The following HOOK2 variants were observed in gnomAD, a reference collection of about 807,000 sequenced individuals.
HOOK2 encodes the protein hook microtubule tethering protein 2, also known as protein Hook homolog 2.
Under a neutral mutation model 111.9 loss-of-function variants are expected in HOOK2, and 108 were observed. The ratio of observed to expected loss-of-function variants is 0.96; its 90% confidence interval spans 0.83 to 1.13. The LOEUF (loss-of-function observed/expected upper bound fraction) is 1.13, where lower values mean the gene tolerates loss of function less well. HOOK2 is among the 50% of genes most tolerant of loss of function. The pLI, the probability that HOOK2 is intolerant of heterozygous loss-of-function variation, is 0.00. For missense variants in HOOK2, 978 were observed against 951.3 expected (o/e 1.03, Z -0.37); for synonymous variants, 405 against 394.3 (o/e 1.03, Z -0.32).
chr19:12,770,350 G>T (rs1968281731), intron 10 of HOOK2, among the ~76,000 whole-genome samples: 1 of 151,892 alleles, frequency 6.6e-6, no homozygotes, highest in Non-Finnish European at 1.5e-5. Flanking sequence ...GGGGAGTGAT[G>T]GGGAGCCTAG....
intron 3 of HOOK2, chr19:12,792,257 C>T (rs1968728850): frequency 5.3e-6 from 8 of 1,499,192 alleles, no homozygotes; most frequent in Non-Finnish European, 7.1e-6. Flanking sequence ...TGGGCGCTAC[C>T]GGGGGGCCCC....
upstream of HOOK2, among the ~76,000 whole-genome samples, chr19:12,778,731 C>T (rs1416273492): frequency 6.6e-6 from 1 of 152,174 alleles, no homozygotes; most frequent in African/African-American, 2.4e-5. Flanking sequence ...GGCAAATTGA[C>T]TTAAATTGTG....
intron 1 of HOOK2, chr19:12,775,204 G>C (rs988300707): frequency 2.0e-6 from 2 of 985,266 alleles, no homozygotes; most frequent in Non-Finnish European, 2.4e-6. Flanking sequence ...CAACCACAGA[G>C]GGGCGGGGCC....
chr19:12,770,158 A>G (rs1320696121), intron 10 of HOOK2, 76 bp from the exon 11 acceptor site: 4 of 1,285,836 alleles, frequency 3.1e-6, no homozygotes, highest in Non-Finnish European at 4.1e-6. Context: ...TGGCCCTTGG[A>G]GCACAGGGTG....
chr19:12,787,568 G>A (rs1968669778), intron 3 of HOOK2, among the ~76,000 whole-genome samples: 1 of 151,878 alleles, frequency 6.6e-6, no homozygotes, highest in Admixed American at 6.6e-5. Context: ...GGAGGTGGAG[G>A]TTGTAGTGAG....
chr19:12,785,891 C>A (rs1446283681), intron 3 of HOOK2, among the ~76,000 whole-genome samples: 1 of 152,126 alleles, frequency 6.6e-6, no homozygotes, highest in Non-Finnish European at 1.5e-5. Flanking sequence ...CCCTAGGAGG[C>A]CTAGCTCAGC....
intron 20 of HOOK2, 66 bp from the exon 21 acceptor site, chr19:12,763,844 G>A (rs986764043): frequency 9.5e-7 from 1 of 1,056,722 alleles, no homozygotes. Context: ...ATACTGGGGT[G>A]TGTGTATTCA....
At chr19:12,774,972 TC>T in intron 1 of HOOK2, 75 bp from the exon 2 acceptor site, 1 of 1,406,424 alleles carries the variant, frequency 7.1e-7, no homozygotes, top group Non-Finnish European at 9.8e-7. Flanking sequence ...TGCAGACTTT[TC>T]CAGTCAGCGA....
intron 14 of HOOK2, 21 bp downstream of exon 14, chr19:12,767,374 T>C: frequency 6.2e-7 from 1 of 1,607,772 alleles, no homozygotes; most frequent in Non-Finnish European, 8.5e-7. Flanking sequence ...GGGGCCAGAG[T>C]TTTGAGTGAC....
intron 3 of HOOK2, among the ~76,000 whole-genome samples, chr19:12,785,296 TCA>T (rs112239571): frequency 0.011 from 1,569 of 143,798 alleles, 26 homozygotes; most frequent in Admixed American, 0.035. Flanking sequence ...GACCTCTTTT[TCA>T]CACACACACA....
chr19:12,764,321 ATTTTTTTTTTTT>A lies in HOOK2; in HGVS notation c.1827+481_1827+492del, dbSNP rs35170607. ...GAGCCACTGCGCCTGGCTGTGCGTA[ATTTTTTTTTTTT>A]TTTTTTTTTTTTTTGAGATGGACTC... On this transcript the variant is annotated intron_variant, in intron 20 of 22. Coordinates refer to ENST00000397668, the MANE Select transcript of HOOK2 (RefSeq NM_013312.3). The A allele has an allele frequency of 5.8e-3, 525 of 91,000 alleles. 5 individuals carry two copies. In the Middle Eastern group the frequency reaches 0.078, roughly 14 times the overall value. The allele number at this position is 91,000 out of a possible 1,614,324, so 5.6% of individuals were successfully genotyped here.
chr19:12,782,247 A>G (rs1033996761), upstream of HOOK2, among the ~76,000 whole-genome samples: 1 of 152,178 alleles, frequency 6.6e-6, no homozygotes, highest in Admixed American at 6.5e-5. Flanking sequence ...CACAAACGCT[A>G]TGTGACTGAC....
intron 3 of HOOK2, chr19:12,784,424 C>T (rs1968637384): frequency 6.6e-6 from 1 of 152,520 alleles, no homozygotes; most frequent in South Asian, 2.1e-4. Flanking sequence ...AAGAGACACA[C>T]ACCGTCAAAC....
chr19:12,767,683 G>A (rs1013212253), intron 13 of HOOK2, 133 bp downstream of exon 13: 26 of 903,794 alleles, frequency 2.9e-5, no homozygotes, highest in Non-Finnish European at 3.5e-5. Flanking sequence ...CAATTTGACC[G>A]TGTCACCTCT....
chr19:12,786,210 A>T lies in HOOK2; in HGVS notation n.42-11985T>A, dbSNP rs1054794248. Among the ~76,000 whole-genome samples, 1 of 152,004 alleles carries T rather than the reference A, an allele frequency of 6.6e-6. No individual in the cohort carries two copies. Among genetic ancestry groups the T allele is most frequent in the African/African-American group, 2.4e-5 (1 of 41,388 alleles). ...GGGGAGGGCTCCTGCCGGGCCTCAG[A>T]TCCACACCCAGGGGCAGGGACACGG... is the stretch of plus-strand genomic sequence containing the variant. On this transcript the variant is annotated intron_variant and non_coding_transcript_variant, in intron 3 of 3. Coordinates refer to the HOOK2 transcript ENST00000589765. This position sits in a 1 kb window ranked among gnomAD's most constrained non-coding sequence, Gnocchi z 4.3.
upstream of HOOK2, among the ~76,000 whole-genome samples, chr19:12,780,239 A>G (rs1968585547): frequency 6.6e-6 from 1 of 152,202 alleles, no homozygotes; most frequent in African/African-American, 2.4e-5. Flanking sequence ...TGTATGGTCC[A>G]GGCAGAGTTT....
At chr19:12,780,755 G>C (rs1158949490), upstream of HOOK2, among the ~76,000 whole-genome samples, 3 of 130,588 alleles carry the variant, frequency 2.3e-5, no homozygotes, top group Non-Finnish European at 3.2e-5. Context: ...GAGGTGGGCG[G>C]ATCAGGAGGT....
At position 12,763,343 on chromosome 19, in the gene HOOK2, G is replaced by T; in HGVS notation, c.2099C>A (p.Ser700Tyr). ...FLAQQRLATNSRRGPLGRLAS... is the reference protein window; with the variant it reads ...FLAQQRLATNYRRGPLGRLAS... ...CAGGCGTCCCAAGGGTCCACGGCGA[G>T]AATTGGTTGCCAGCCGCTGCTGTGC... The change falls in exon 23 of 23, where the codon TCT becomes TAT. Residue 700 changes from serine to tyrosine, a missense_variant. Coordinates refer to ENST00000397668, the MANE Select transcript of HOOK2 (RefSeq NM_013312.3). 2 of 1,614,190 alleles carry T rather than the reference G, an allele frequency of 1.2e-6. No homozygotes were observed. The highest frequency in any genetic ancestry group is 1.1e-5 in the South Asian group (1 of 91,086).
chr19:12,765,878 T>G lies in HOOK2; in HGVS notation c.1600-44A>C, dbSNP rs752276379. 3 of 1,611,868 alleles carry G rather than the reference T, an allele frequency of 1.9e-6. No individual in the cohort carries two copies. The African/African-American group carries it at 4.0e-5, about 22-fold the overall frequency. ...AGCATGGGAGAGAGAGGAGGGTTAC[T>G]TCGGGGCACAAGGGAGGGCCAGGCT... On this transcript the variant is annotated intron_variant, in intron 16 of 22. Coordinates refer to ENST00000397668, the MANE Select transcript of HOOK2 (RefSeq NM_013312.3).
Sources: allele counts gnomAD v4.1 joint callset (sites outside exome capture counted in the v4.1 genomes callset), GRCh38; gene constraint gnomAD v4.1.1; non-coding constraint Gnocchi (gnomAD v3.1); transcripts MANE v1.5; gene names NCBI Gene and HGNC (gene_info 2026-07-23, HGNC 2026-07-21).